The following SLC1A3 variants were observed in gnomAD, a reference collection of about 807,000 sequenced individuals.
The protein encoded by SLC1A3 is solute carrier family 1 member 3, also known as excitatory amino acid transporter 1.
Under a neutral mutation model 48.1 loss-of-function variants are expected in SLC1A3, and 21 were observed. The observed-to-expected ratio is 0.44, with a 90% CI of 0.31 to 0.63. The LOEUF (loss-of-function observed/expected upper bound fraction) is 0.63. SLC1A3 is among the 20% of genes least tolerant of loss of function. The pLI, the probability that SLC1A3 is intolerant of heterozygous loss-of-function variation, is 0.08. For synonymous variants in SLC1A3, 239 were observed against 251.4 expected, an observed-to-expected ratio of 0.95 and a Z score of 0.47; for missense variants, 546 against 689.0, an observed-to-expected ratio of 0.79 and a Z score of 2.32.
intron 6 of SLC1A3, among the ~76,000 whole-genome samples, chr5:36,678,363 T>G (rs948709949): frequency 6.6e-6 from 1 of 152,152 alleles, no homozygotes; most frequent in South Asian, 2.1e-4. Context: ...AAGTGGACAT[T>G]TATCTTCATA....
At chr5:36,611,784 G>C (rs1054383717) in intron 2 of SLC1A3, among the ~76,000 whole-genome samples, 1 of 151,956 alleles carries the variant, frequency 6.6e-6, no homozygotes. Context: ...TTGGACTGTG[G>C]TAAGTTGTGT....
chr5:36,634,267 C>G (rs1451359953), intron 3 of SLC1A3, among the ~76,000 whole-genome samples: 1 of 127,254 alleles, frequency 7.9e-6, no homozygotes, highest in Non-Finnish European at 1.6e-5. Context: ...CGGAGTGAGG[C>G]TCTGTCTCAA....
chr5:36,656,563 T>A (rs541009587), intron 3 of SLC1A3, among the ~76,000 whole-genome samples: 61 of 152,352 alleles, frequency 4.0e-4, no homozygotes, highest in African/African-American at 1.3e-3. Flanking sequence ...GTCTAATTGG[T>A]CAGTGAGAAT....
At chr5:36,610,653 G>A (rs1237356252) in intron 2 of SLC1A3, among the ~76,000 whole-genome samples, 1 of 152,108 alleles carries the variant, frequency 6.6e-6, no homozygotes, top group Non-Finnish European at 1.5e-5. Context: ...ATAAAAAGAA[G>A]ATAATGCCAG....
chr5:36,600,599 G>A (rs1738796676), intron 1 of SLC1A3, among the ~76,000 whole-genome samples: 1 of 152,194 alleles, frequency 6.6e-6, no homozygotes, highest in Non-Finnish European at 1.5e-5. Flanking sequence ...TGGGGAGGCA[G>A]TGGGATGAGG....
rs183286977 is a variant in SLC1A3 at position 36,646,084 on chromosome 5, A to G, written c.319+16497A>G. The stretch of plus-strand genomic sequence containing the variant: ...CCCAGGAGACTCTTTGGAGTAAGCT[A>G]TGGGTAACCCACTGAATACTCTTTA... On this transcript the variant is annotated intron_variant, in intron 3 of 9. Transcript: ENST00000265113. Among the ~76,000 whole-genome samples, 3 of 152,360 alleles carry G rather than the reference A, an allele frequency of 2.0e-5. No individual in the cohort carries two copies. The East Asian group carries it at 5.8e-4, about 29-fold the overall frequency.
At chr5:36,658,054 A>T (rs1170053927) in intron 3 of SLC1A3, among the ~76,000 whole-genome samples, 2 of 152,232 alleles carry the variant, frequency 1.3e-5, no homozygotes, top group Admixed American at 6.5e-5. Flanking sequence ...ATAAAGACAC[A>T]AAGAGACTTT....
chr5:36,648,929 C>A (rs1471105068), intron 3 of SLC1A3, among the ~76,000 whole-genome samples: 1 of 152,184 alleles, frequency 6.6e-6, no homozygotes, highest in Non-Finnish European at 1.5e-5. Flanking sequence ...TTTTATACTG[C>A]ACATAATGAA....
chr5:36,626,116 C>T (rs1044876629), intron 2 of SLC1A3, among the ~76,000 whole-genome samples: 4 of 152,052 alleles, frequency 2.6e-5, no homozygotes, highest in African/African-American at 9.7e-5. Flanking sequence ...AAGTGCAGGG[C>T]TTGAGTGGGG....
intron 1 of SLC1A3, chr5:36,607,160 T>C (rs1738984238): frequency 1.3e-5 from 2 of 152,218 alleles, no homozygotes; most frequent in Non-Finnish European, 2.9e-5. Flanking sequence ...CAACTTGCAA[T>C]TTTATTTAAA....
intron 3 of SLC1A3, chr5:36,667,790 C>T (rs1741817019): frequency 6.6e-6 from 1 of 152,166 alleles, no homozygotes; most frequent in Non-Finnish European, 1.5e-5. Context: ...TAGTACAATA[C>T]AGTATTTCTT....
At chr5:36,654,921 C>A (rs983959588) in intron 3 of SLC1A3, among the ~76,000 whole-genome samples, 1 of 152,206 alleles carries the variant, frequency 6.6e-6, no homozygotes, top group East Asian at 1.9e-4. Context: ...GACATTCGCT[C>A]TGGCTGCATT....
intron 3 of SLC1A3, among the ~76,000 whole-genome samples, chr5:36,659,885 G>A (rs142127804): frequency 6.6e-6 from 1 of 152,274 alleles, no homozygotes; most frequent in Non-Finnish European, 1.5e-5. Context: ...ACTTTTAGAA[G>A]AAGCATGTTA....
At chr5:36,619,893 G>C (rs1414501558) in intron 2 of SLC1A3, among the ~76,000 whole-genome samples, 1 of 152,208 alleles carries the variant, frequency 6.6e-6, no homozygotes, top group East Asian at 1.9e-4. Context: ...AGATGAATTA[G>C]TATAAAGCAG....
At chr5:36,641,394 A>G (rs1024845769) in intron 3 of SLC1A3, among the ~76,000 whole-genome samples, 1 of 152,100 alleles carries the variant, frequency 6.6e-6, no homozygotes, top group Non-Finnish European at 1.5e-5. Flanking sequence ...TTTCTAGTTG[A>G]GCTGTAATTT....
chr5:36,619,593 A>T (rs1739584614), intron 2 of SLC1A3, among the ~76,000 whole-genome samples: 1 of 152,194 alleles, frequency 6.6e-6, no homozygotes, highest in Non-Finnish European at 1.5e-5. Context: ...TGGGCAACAG[A>T]GTAAGACCCT....
At chr5:36,623,786 C>T (rs556499213) in intron 2 of SLC1A3, among the ~76,000 whole-genome samples, 2 of 150,872 alleles carry the variant, frequency 1.3e-5, no homozygotes, top group South Asian at 2.1e-4. Context: ...ATCGCTTGAA[C>T]CCAGAGGCAG....
chr5:36,663,380 A>ATTTTTTTTTTTTTTTTTTTTTTT (rs1156283585), intron 3 of SLC1A3, among the ~76,000 whole-genome samples: 209 of 69,326 alleles, frequency 3.0e-3, no homozygotes, highest in Middle Eastern at 0.013. Context: ...CACGCCCGGC[A>ATTTTTTTTTTTTTTTTTTTTTTT]TTTTTTTTTT....
chr5:36,623,424 G>T (rs58115260), intron 2 of SLC1A3, among the ~76,000 whole-genome samples: 16,123 of 152,110 alleles, frequency 0.11, 1,230 homozygotes, highest in East Asian at 0.27. Context: ...CTATAATAAA[G>T]GATTCGTTCT....
Sources: allele counts gnomAD v4.1 joint callset (sites outside exome capture counted in the v4.1 genomes callset), GRCh38; gene constraint gnomAD v4.1.1; transcripts MANE v1.5; gene names NCBI Gene and HGNC (gene_info 2026-07-23, HGNC 2026-07-21).